TCF25: variants seen among roughly 807,000 people sequenced by gnomAD.
The protein encoded by TCF25 is TCF25 ribosome quality control complex subunit.
A neutral mutation model predicts 83.1 loss-of-function variants in TCF25; 41 were observed. The observed-to-expected ratio is 0.49, with a 90% confidence interval of 0.38 to 0.64. The LOEUF (loss-of-function observed/expected upper bound fraction) is 0.64. Among genes scored for constraint, TCF25 ranks in the 30% least tolerant of loss-of-function variants. TCF25 has a pLI of 0.00. For missense variants in TCF25, 979 were observed against 914.5 expected, an observed-to-expected ratio of 1.07 and a Z score of -0.91; for synonymous variants, 458 against 365.0, an observed-to-expected ratio of 1.25 and a Z score of -2.90.
At chr16:89,908,686 C>T (rs2045261988) in intron 16 of TCF25, among the ~76,000 whole-genome samples, 1 of 131,938 alleles carries the variant, frequency 7.6e-6, no homozygotes, top group Non-Finnish European at 1.7e-5. Flanking sequence ...CTCCCAGCTC[C>T]CACCTCCCGC....
chr16:89,900,148 G>A (rs1226032117), intron 11 of TCF25, among the ~76,000 whole-genome samples: 1 of 152,142 alleles, frequency 6.6e-6, no homozygotes, highest in East Asian at 1.9e-4. Flanking sequence ...AAAATGCAGT[G>A]AGTCACATGT....
rs755521640 is a variant in TCF25 at position 89,895,026 on chromosome 16, C to G, written c.829-12C>G. The G allele has an allele frequency of 6.2e-7, 1 of 1,611,226 alleles. No homozygotes were observed. The highest frequency in any genetic ancestry group is 2.2e-5 in the East Asian group (1 of 44,800). ...AGTGCCTTTCCTCCAGGGCTGTCCTCCCTTCTGGTAGGTTCTGCTCCAGAC... is the reference window on the plus strand; with the variant it reads ...AGTGCCTTTCCTCCAGGGCTGTCCTGCCTTCTGGTAGGTTCTGCTCCAGAC... On this transcript the variant is annotated splice_polypyrimidine_tract_variant and intron_variant, in intron 7 of 17. Transcript: ENST00000263346.
rs960765557 is a variant in TCF25, at chr16:89,886,132, C to T, written c.548+166C>T. 1.4e-5 allele frequency: 9 copies of T among 660,484 alleles called. No homozygotes were observed. The Admixed American group carries it at 1.7e-4, about 12-fold the overall frequency. The allele number at this position is 660,484 out of a possible 1,614,324, so 40.9% of individuals were successfully genotyped here. A position where few individuals can be genotyped will look rare whatever the true frequency, so the allele number is the denominator to read the frequency against. On this transcript the variant is annotated intron_variant, in intron 4 of 17. Transcript: ENST00000263346. ...AAATGTACTGTCTTTATTTAAAAAT[C>T]ATATGAGTTTATTGGCTGGGCGTGG...
intron 1 of TCF25, among the ~76,000 whole-genome samples, chr16:89,880,336 C>G (rs2042517101): frequency 6.6e-6 from 1 of 152,356 alleles, no homozygotes; most frequent in East Asian, 1.9e-4. Context: ...GTAATCCCAG[C>G]ACTTTGGGAG....
rs915061997 is a variant in TCF25 at position 89,906,245 on chromosome 16, C to G, written c.1680C>G (p.Ile560Met). Residue 560 changes from isoleucine (I) to methionine (M), a missense_variant, in exon 15 of 18, where the codon ATC (isoleucine) becomes ATG (methionine). Physicochemically the swap from Ile to Met is conservative, Grantham distance 10. Transcript: ENST00000263346. ...CCAGGAATATCCACCGCCATGTGAT[C>G]CTCTCTGAGATCAAGGAAGCCGTCG... is the stretch of plus-strand genomic sequence containing the variant. ...RAPRNIHRHV[I>M]LSEIKEAVAA... The G allele has an allele frequency of 1.2e-6, 2 of 1,613,402 alleles. No homozygotes were observed. The highest frequency in any genetic ancestry group is 1.3e-5 in the African/African-American group (1 of 75,052).
At chr16:89,893,707 C>T in intron 6 of TCF25, 21 bp from the exon 7 acceptor site, 1 of 1,613,424 alleles carries the variant, frequency 6.2e-7, no homozygotes, top group Non-Finnish European at 8.5e-7. Context: ...CACACCCTCC[C>T]TGAGCACTCT....
intron 1 of TCF25, among the ~76,000 whole-genome samples, chr16:89,882,812 C>T (rs2042709661): frequency 6.6e-6 from 1 of 152,184 alleles, no homozygotes; most frequent in Admixed American, 6.5e-5. Context: ...GTCTTGAACT[C>T]CTGACCTCAA....
At chr16:89,909,632 C>G (rs2045376210) in intron 16 of TCF25, 1 of 148,338 alleles carries the variant, frequency 6.7e-6, no homozygotes, top group African/African-American at 2.5e-5. Context: ...GAGCTGAGAT[C>G]ACGCCACTGC....
At chr16:89,908,604 T>A (rs879076264) in intron 16 of TCF25, among the ~76,000 whole-genome samples, 302 of 7,788 alleles carry the variant, frequency 0.039, no homozygotes, top group Middle Eastern at 0.062. Flanking sequence ...CCCGCCTCCC[T>A]CCTCCCAGCT....
chr16:89,903,267 G>A (rs936308677), intron 12 of TCF25, among the ~76,000 whole-genome samples: 12 of 152,376 alleles, frequency 7.9e-5, no homozygotes, highest in East Asian at 1.9e-4. Context: ...CTCGGGGCCC[G>A]TTCCCCTACA....
chr16:89,904,302 TC>T, intron 13 of TCF25, 97 bp downstream of exon 13: 1 of 1,358,334 alleles, frequency 7.4e-7, no homozygotes. Flanking sequence ...GGGACCTGCT[TC>T]CAGCAGCAGG....
intron 1 of TCF25, among the ~76,000 whole-genome samples, chr16:89,875,373 G>A (rs2042100261): frequency 6.6e-6 from 1 of 152,002 alleles, no homozygotes; most frequent in African/African-American, 2.4e-5. Context: ...GCTATCGATT[G>A]TCTCTAACGT....
At chr16:89,878,746 T>C in intron 1 of TCF25, 1 of 789,680 alleles carries the variant, frequency 1.3e-6, no homozygotes, top group South Asian at 4.8e-5. Flanking sequence ...ATTCACTCCA[T>C]TGTCCAGCCT....
intron 13 of TCF25, chr16:89,904,418 C>G: frequency 1.7e-6 from 1 of 602,056 alleles, no homozygotes; most frequent in Non-Finnish European, 3.0e-6. Context: ...CAGCCTCCAG[C>G]TTAAAAACGA....
At position 89,906,185 on chromosome 16, in the gene TCF25, C is replaced by T. The variant is rs377407461; in HGVS notation, c.1629-9C>T. ...TTATCTGCTGTGCCTTGTTTCTCCC[C>T]GGCCCTAGGCGGAAGGTGCTCTACC... is the stretch of plus-strand genomic sequence containing the variant. On this transcript the variant is annotated splice_polypyrimidine_tract_variant and intron_variant, in intron 14 of 17. Transcript: ENST00000263346. 1,271 of 1,612,096 alleles carry T rather than the reference C, an allele frequency of 7.9e-4. 2 individuals carry two copies. Among genetic ancestry groups the T allele is most frequent in the Non-Finnish European group, 9.7e-4 (1,140 of 1,179,420 alleles).
At chr16:89,887,623 T>G (rs371216711) in intron 4 of TCF25, 29 bp from the exon 5 acceptor site, 103 of 1,563,452 alleles carry the variant, frequency 6.6e-5, no homozygotes, top group East Asian at 1.4e-4. Context: ...TAATTTCATG[T>G]TTTTTTTCTA....
intron 16 of TCF25, among the ~76,000 whole-genome samples, chr16:89,908,410 CTCCCACCTCCCACCTTCCAGT>C (rs2045176374): frequency 6.7e-6 from 1 of 149,768 alleles, no homozygotes; most frequent in Non-Finnish European, 1.5e-5. Context: ...CACCTCCCAG[CTCCCACCTCCCACCTTCCAGT>C]TCCCACCTCC....
chr16:89,897,626 A>G (rs2043963825), intron 9 of TCF25, among the ~76,000 whole-genome samples: 1 of 152,184 alleles, frequency 6.6e-6, no homozygotes, highest in South Asian at 2.1e-4. Flanking sequence ...AAATATTAAT[A>G]TTTCCCGACG....
intron 5 of TCF25, 115 bp from the exon 6 acceptor site, chr16:89,892,078 T>A: frequency 1.0e-6 from 1 of 962,164 alleles, no homozygotes; most frequent in African/African-American, 1.7e-5. Flanking sequence ...CTGCCCCACA[T>A]GCCTTCTCTG....
Sources: gnomAD v4.1 joint callset for allele counts (sites outside exome capture counted in the v4.1 genomes callset) on GRCh38, gnomAD v4.1.1 for gene constraint, MANE v1.5 for transcripts, NCBI Gene and HGNC (gene_info 2026-07-23, HGNC 2026-07-21) for gene names.